GRAMD1B: variants seen among roughly 807,000 people sequenced by gnomAD.
GRAMD1B encodes the protein GRAM domain containing 1B.
A neutral mutation model predicts 99.7 loss-of-function variants in GRAMD1B; 37 were observed. That is an observed-to-expected ratio of 0.37 (90% CI 0.29 to 0.49). The LOEUF is 0.49. Among genes scored for constraint, GRAMD1B ranks in the 20% least tolerant of loss-of-function variants. The probability of loss-of-function intolerance (pLI) is 0.98; values close to 1 mark genes in which losing one functional copy is unlikely to be tolerated. For missense variants in GRAMD1B, 888 were observed against 1,009.2 expected (o/e 0.88, Z 1.63); for synonymous variants, 427 against 387.6 (o/e 1.10, Z -1.19).
intron 1 of GRAMD1B, among the ~76,000 whole-genome samples, chr11:123,413,317 G>A (rs2135981217): frequency 6.6e-6 from 1 of 152,112 alleles, no homozygotes; most frequent in East Asian, 1.9e-4. Flanking sequence ...ATGGAGCAAA[G>A]CATATTCTGT....
intron 2 of GRAMD1B, among the ~76,000 whole-genome samples, chr11:123,482,230 T>C (rs112221755): frequency 0.063 from 9,553 of 152,028 alleles, 379 homozygotes; most frequent in Middle Eastern, 0.11. Context: ...TCCGGAGTAA[T>C]TGGGATTACA....
chr11:123,619,094 T>G lies in GRAMD1B; in HGVS notation c.2427-13T>G, dbSNP rs1179559792. On this transcript the variant is annotated splice_polypyrimidine_tract_variant and intron_variant, in intron 18 of 19. Coordinates refer to ENST00000635736, the MANE Select transcript of GRAMD1B (RefSeq NM_001387025.1). Reference sequence around the variant, plus strand: ...ACTCCAGCTGCTGGGGTACCCCTTCTTCTACCCCACAGGTTACCCCAGTCT... The same window carrying G: ...ACTCCAGCTGCTGGGGTACCCCTTCGTCTACCCCACAGGTTACCCCAGTCT... 1 of 1,445,478 alleles carries G rather than the reference T, an allele frequency of 6.9e-7. No individual in the cohort carries two copies. The highest frequency in any genetic ancestry group is 2.5e-5 in the East Asian group (1 of 40,506). The allele number at this position is 1,445,478 out of a possible 1,614,324, so 89.5% of individuals were successfully genotyped here. A position where few individuals can be genotyped will look rare whatever the true frequency, so the allele number is the denominator to read the frequency against.
chr11:123,593,273 G>A (rs1226583951), intron 4 of GRAMD1B, among the ~76,000 whole-genome samples: 2 of 152,158 alleles, frequency 1.3e-5, no homozygotes, highest in Non-Finnish European at 2.9e-5. Flanking sequence ...AAGATTGTAA[G>A]CCCTCAAAGG....
At chr11:123,601,560 G>A (rs1300996750) in intron 8 of GRAMD1B, among the ~76,000 whole-genome samples, 3 of 150,672 alleles carry the variant, frequency 2.0e-5, no homozygotes, top group African/African-American at 7.5e-5. Flanking sequence ...ATTGACATGG[G>A]TGTATTTAAA....
rs999591459 is a variant in GRAMD1B, at chr11:123,544,071, T to C, written c.453-33296T>C. On this transcript the variant is annotated intron_variant, in intron 2 of 19. Transcript: ENST00000635736. Reference sequence around the variant, plus strand: ...GCACCAGCCCGTGCAATTTTCTTAATGAGGGCCTCCTTTGCTCATGGCATT... The same window carrying C: ...GCACCAGCCCGTGCAATTTTCTTAACGAGGGCCTCCTTTGCTCATGGCATT... Among the ~76,000 whole-genome samples the C allele has an allele frequency of 3.9e-5, 6 of 152,372 alleles. No homozygotes were observed. In the South Asian group the frequency reaches 1.2e-3, roughly 32 times the overall value.
At chr11:123,377,764 T>G (rs1399982601) in intron 1 of GRAMD1B, among the ~76,000 whole-genome samples, 1 of 152,206 alleles carries the variant, frequency 6.6e-6, no homozygotes, top group East Asian at 1.9e-4. Context: ...TTGTTATTCT[T>G]CCAATGGAAG....
chr11:123,375,457 A>T (rs1263924009), intron 1 of GRAMD1B, among the ~76,000 whole-genome samples: 2 of 152,188 alleles, frequency 1.3e-5, no homozygotes, highest in South Asian at 4.1e-4. Context: ...TTTATCCGGC[A>T]TCTCCTCTTT....
chr11:123,440,167 G>A (rs1291496676), intron 1 of GRAMD1B, among the ~76,000 whole-genome samples: 1 of 152,170 alleles, frequency 6.6e-6, no homozygotes, highest in African/African-American at 2.4e-5. Context: ...TTTAAAAAAT[G>A]TAGTGCATGT....
chr11:123,418,881 TGTAAGTGCTCA>T (rs1334288362), intron 1 of GRAMD1B, among the ~76,000 whole-genome samples: 4 of 152,122 alleles, frequency 2.6e-5, no homozygotes, highest in Admixed American at 2.6e-4. Context: ...TGAGCATAAA[TGTAAGTGCTCA>T]GTCTGGAGCA....
intron 2 of GRAMD1B, among the ~76,000 whole-genome samples, chr11:123,523,202 C>T (rs1429518172): frequency 6.6e-6 from 1 of 152,098 alleles, no homozygotes; most frequent in Non-Finnish European, 1.5e-5. Flanking sequence ...CATCGTGGTG[C>T]GTGCCTGTAA....
intron 2 of GRAMD1B, among the ~76,000 whole-genome samples, chr11:123,484,546 T>A (rs1373465349): frequency 6.6e-6 from 1 of 152,102 alleles, no homozygotes. Flanking sequence ...CCACTCGCAG[T>A]CCCCTAAGCT....
intron 19 of GRAMD1B, among the ~76,000 whole-genome samples, chr11:123,622,075 C>T (rs949934641): frequency 1.3e-5 from 2 of 151,862 alleles, no homozygotes; most frequent in East Asian, 3.9e-4. Flanking sequence ...GGCTGGAGTG[C>T]AGTGGTGCAG....
At chr11:123,388,670 G>A (rs554746727) in intron 1 of GRAMD1B, among the ~76,000 whole-genome samples, 27 of 149,306 alleles carry the variant, frequency 1.8e-4, no homozygotes, top group Non-Finnish European at 3.2e-4. Flanking sequence ...GAATGACAGT[G>A]AGACCCTGTT....
rs1382478082 is a variant in GRAMD1B, at chr11:123,625,514, T to G, written c.*2919T>G. 1 of 152,204 alleles carries G rather than the reference T, an allele frequency of 6.6e-6. No homozygotes were observed. Among genetic ancestry groups the G allele is most frequent in the African/African-American group, 2.4e-5 (1 of 41,436 alleles). 9.4% of individuals were successfully genotyped at this position (152,204 alleles called of 1,614,324 possible). On this transcript the variant is annotated 3_prime_UTR_variant, in exon 20 of 20. Coordinates refer to ENST00000635736, the MANE Select transcript of GRAMD1B (RefSeq NM_001387025.1). ...CTCTCTCCCTTCCTCATCCACCTCT[T>G]TGGGGACAAGAGGATTACATCTCAG...
intron 2 of GRAMD1B, chr11:123,526,273 C>G (rs1942732378): frequency 1.0e-6 from 1 of 999,724 alleles, no homozygotes; most frequent in Non-Finnish European, 1.6e-6. Flanking sequence ...GCCATCTCAC[C>G]AGGCATCGAG....
chr11:123,377,408 C>T (rs188356557), intron 1 of GRAMD1B, among the ~76,000 whole-genome samples: 98 of 152,164 alleles, frequency 6.4e-4, no homozygotes, highest in African/African-American at 6.3e-4. Flanking sequence ...GAGCAAAATG[C>T]GTGGTGGGTG....
chr11:123,393,221 G>A (rs955365017), intron 1 of GRAMD1B, among the ~76,000 whole-genome samples: 2 of 152,188 alleles, frequency 1.3e-5, no homozygotes, highest in African/African-American at 4.8e-5. Context: ...GCAGTTATTA[G>A]GGAAAGTGCT....
At chr11:123,360,510 C>G (rs373930649) in intron 1 of GRAMD1B, among the ~76,000 whole-genome samples, 1 of 152,068 alleles carries the variant, frequency 6.6e-6, no homozygotes, top group Non-Finnish European at 1.5e-5. Flanking sequence ...CTCAAAAGGG[C>G]GTGTGGTAGT....
intron 7 of GRAMD1B, chr11:123,598,025 G>C: frequency 7.7e-7 from 1 of 1,304,082 alleles, no homozygotes; most frequent in Non-Finnish European, 1.1e-6. Flanking sequence ...TTCTTCCTCA[G>C]TGTCAGGCTG....
Sources: gnomAD v4.1 joint callset for allele counts (sites outside exome capture counted in the v4.1 genomes callset) on GRCh38, gnomAD v4.1.1 for gene constraint, MANE v1.5 for transcripts, NCBI Gene and HGNC (gene_info 2026-07-23, HGNC 2026-07-21) for gene names.